The following CRACR2A variants were observed in gnomAD, a reference collection of about 807,000 sequenced individuals.
The protein encoded by CRACR2A is calcium release activated channel regulator 2A.
CRACR2A carries 79 observed loss-of-function variants against 90.5 expected under a neutral mutation model. That is an observed-to-expected ratio of 0.87 (90% CI 0.73 to 1.05). The LOEUF (loss-of-function observed/expected upper bound fraction) is 1.05, where lower values mean the gene tolerates loss of function less well. Ranked by LOEUF, CRACR2A falls within the 50% of genes least tolerant of loss-of-function variation. The pLI, the probability that CRACR2A is intolerant of heterozygous loss-of-function variation, is 0.00. For missense variants in CRACR2A, 823 were observed against 897.2 expected, an observed-to-expected ratio of 0.92 and a Z score of 1.06; for synonymous variants, 338 against 356.7, an observed-to-expected ratio of 0.95 and a Z score of 0.59.
intron 2 of CRACR2A, among the ~76,000 whole-genome samples, chr12:3,716,677 T>G (rs542637889): frequency 3.3e-5 from 5 of 152,332 alleles, no homozygotes; most frequent in East Asian, 3.9e-4. Flanking sequence ...TGCTGATTTT[T>G]GGGGGGCATT....
At position 3,690,869 on chromosome 12, in the gene CRACR2A, ATAGT is replaced by A. The variant is rs1332866976; in HGVS notation, c.228+5899_228+5902del. Reference sequence around the variant, plus strand: ...TGTGTTGGGTACATATATATTGAAGATAGTTAGGTCTTCTTATTGAATTGAATCC... The same window carrying A: ...TGTGTTGGGTACATATATATTGAAGATAGGTCTTCTTATTGAATTGAATCC... On this transcript the variant is annotated intron_variant, in intron 4 of 19. Transcript: ENST00000440314. Among the ~76,000 whole-genome samples the A allele has an allele frequency of 5.3e-5, 8 of 152,308 alleles. No homozygotes were observed. In the East Asian group the frequency reaches 9.6e-4, roughly 18 times the overall value.
chr12:3,751,396 C>G (rs1946700102), intron 1 of CRACR2A, among the ~76,000 whole-genome samples: 1 of 152,240 alleles, frequency 6.6e-6, no homozygotes, highest in African/African-American at 2.4e-5. Flanking sequence ...CATCCCATAC[C>G]CAGGTGCAGA....
At chr12:3,641,883 G>A (rs776643412) in intron 12 of CRACR2A, 45 bp from the exon 13 acceptor site, 18 of 1,513,380 alleles carry the variant, frequency 1.2e-5, no homozygotes, top group South Asian at 4.8e-5. Context: ...TATTTGCTCC[G>A]ATGTTTGAAC....
intron 1 of CRACR2A, among the ~76,000 whole-genome samples, chr12:3,744,871 C>A (rs1203449725): frequency 6.6e-6 from 1 of 152,146 alleles, no homozygotes; most frequent in Non-Finnish European, 1.5e-5. Flanking sequence ...GAAGAGGAAA[C>A]AATTCACAAT....
At chr12:3,669,446 G>A (rs1945202972) in intron 7 of CRACR2A, among the ~76,000 whole-genome samples, 1 of 152,210 alleles carries the variant, frequency 6.6e-6, no homozygotes, top group Non-Finnish European at 1.5e-5. Context: ...ATGCTGAAGG[G>A]ACTTGCTGAG....
intron 2 of CRACR2A, chr12:3,726,219 C>CACAGAG (rs1555120048): frequency 3.3e-5 from 5 of 150,722 alleles, no homozygotes; most frequent in Non-Finnish European, 4.4e-5. Flanking sequence ...CGTATATACA[C>CACAGAG]AGAGAGAGAG....
intron 2 of CRACR2A, among the ~76,000 whole-genome samples, chr12:3,720,484 A>G (rs2137809139): frequency 6.6e-6 from 1 of 151,232 alleles, no homozygotes; most frequent in Admixed American, 6.6e-5. Flanking sequence ...AAAAAAAGAA[A>G]CAAATAAAAA....
At chr12:3,740,805 C>A (rs1946513236) in intron 1 of CRACR2A, among the ~76,000 whole-genome samples, 1 of 152,164 alleles carries the variant, frequency 6.6e-6, no homozygotes, top group Non-Finnish European at 1.5e-5. Context: ...GCCATGTGAC[C>A]TCGAGCAAGT....
At position 3,680,306 on chromosome 12, in the gene CRACR2A, T is replaced by A; in HGVS notation, c.272A>T (p.Asp91Val). Residue 91 changes from aspartate (D) to valine (V), a missense_variant, in exon 5 of 20, where the codon GAT (aspartate) becomes GTT (valine). Asp to Val is a radical substitution (Grantham distance 152). Coordinates refer to ENST00000440314, the MANE Select transcript of CRACR2A (RefSeq NM_001144958.2). ...ATCAGCATCCAGGGCATCAAACACATCCTCCAGTTCCTCCAGGCTGAGCGG... is the reference window on the plus strand; with the variant it reads ...ATCAGCATCCAGGGCATCAAACACAACCTCCAGTTCCTCCAGGCTGAGCGG... ...ELPLSLEELE[D>V]VFDALDADGN... The A allele has an allele frequency of 1.2e-6, 2 of 1,614,156 alleles. No individual in the cohort carries two copies. Among genetic ancestry groups the A allele is most frequent in the African/African-American group, 1.3e-5 (1 of 75,044 alleles).
rs1024575857 is a variant in CRACR2A at position 3,723,869 on chromosome 12, G to A, written c.-118+9073C>T. 3.3e-5 allele frequency among the ~76,000 whole-genome samples: 5 copies of A among 152,264 alleles called. No homozygotes were observed. The South Asian group carries it at 1.0e-3, about 32-fold the overall frequency. ...AATCAGTAGCCACTGACATTACAGTGTCAGTCATATGACGGTGTCCATAGA... is the reference window on the plus strand; with the variant it reads ...AATCAGTAGCCACTGACATTACAGTATCAGTCATATGACGGTGTCCATAGA... On this transcript the variant is annotated intron_variant, in intron 2 of 19. Transcript: ENST00000440314.
chr12:3,720,742 A>G (rs1179899462), intron 2 of CRACR2A, among the ~76,000 whole-genome samples: 1 of 152,192 alleles, frequency 6.6e-6, no homozygotes, highest in Non-Finnish European at 1.5e-5. Context: ...AGCCTCTTAC[A>G]TTTTAATCTA....
In CRACR2A at chr12:3,708,056, CT is replaced by C. The variant is rs572827360; in HGVS notation, c.-37+5180del. On this transcript the variant is annotated intron_variant, in intron 3 of 19. Coordinates refer to ENST00000440314, the MANE Select transcript of CRACR2A (RefSeq NM_001144958.2). ...TGCTCCATTCAGATACCCTTGAATA[CT>C]TTTTGTGGACCCTCCCTCAGCATCC... Among the ~76,000 whole-genome samples, 391 of 152,272 alleles carry C rather than the reference CT, an allele frequency of 2.6e-3. 2 individuals are homozygous for C. The highest frequency in any genetic ancestry group is 8.9e-3 in the African/African-American group (370 of 41,542).
chr12:3,658,273 G>C (rs1361960817), intron 8 of CRACR2A, among the ~76,000 whole-genome samples: 1 of 152,106 alleles, frequency 6.6e-6, no homozygotes, highest in East Asian at 1.9e-4. Flanking sequence ...CCTTTAGCTA[G>C]GACCTCTGAC....
chr12:3,691,767 T>C (rs1945653711), intron 4 of CRACR2A, among the ~76,000 whole-genome samples: 1 of 152,234 alleles, frequency 6.6e-6, no homozygotes, highest in African/African-American at 2.4e-5. Context: ...TCTCCCTATC[T>C]CTTTCAGGGA....
chr12:3,743,661 A>G (rs534519266), intron 1 of CRACR2A, among the ~76,000 whole-genome samples: 4 of 152,358 alleles, frequency 2.6e-5, no homozygotes, highest in East Asian at 1.9e-4. Flanking sequence ...GGTAAGACCT[A>G]TATCAGAAAA....
chr12:3,620,931 C>T (rs1944118302), intron 17 of CRACR2A, among the ~76,000 whole-genome samples: 1 of 152,202 alleles, frequency 6.6e-6, no homozygotes. Flanking sequence ...TATATGGAAC[C>T]CTGTGGCCCC....
At chr12:3,735,707 A>G (rs1279918929) in intron 1 of CRACR2A, among the ~76,000 whole-genome samples, 1 of 152,182 alleles carries the variant, frequency 6.6e-6, no homozygotes, top group Non-Finnish European at 1.5e-5. Context: ...CGAGGCTCAC[A>G]TGCTTTATAG....
At chr12:3,617,264 A>G (rs1425011105) in intron 18 of CRACR2A, among the ~76,000 whole-genome samples, 3 of 148,768 alleles carry the variant, frequency 2.0e-5, no homozygotes, top group South Asian at 2.1e-4. Flanking sequence ...ATTGTAAAAC[A>G]ATGAAACCAT....
intron 4 of CRACR2A, among the ~76,000 whole-genome samples, chr12:3,694,037 T>A (rs1477868218): frequency 1.3e-5 from 2 of 152,180 alleles, no homozygotes; most frequent in East Asian, 3.9e-4. Flanking sequence ...CCCCTGGAGT[T>A]GTTGGGGGCT....
Sources: allele counts gnomAD v4.1 joint callset (sites outside exome capture counted in the v4.1 genomes callset), GRCh38; gene constraint gnomAD v4.1.1; transcripts MANE v1.5; gene names NCBI Gene and HGNC (gene_info 2026-07-23, HGNC 2026-07-21).